The following CAST variants were observed in gnomAD, a reference collection of about 807,000 sequenced individuals.
CAST encodes the protein MIR583 host.
In CAST, 76 loss-of-function variants were observed where a neutral mutation model predicts 119.6. The ratio of observed to expected loss-of-function variants is 0.64; its 90% CI spans 0.53 to 0.77. CAST has a LOEUF of 0.77. CAST is among the 30% of genes least tolerant of loss of function. The pLI is 0.00. For missense variants in CAST, 953 were observed against 946.5 expected, an observed-to-expected ratio of 1.01 and a Z score of -0.09; for synonymous variants, 319 against 331.6, an observed-to-expected ratio of 0.96 and a Z score of 0.41.
chr5:96,274,703 C>T, the CAST span, among the ~76,000 whole-genome samples: 3 of 152,188 alleles, frequency 2.0e-5, no homozygotes, highest in Admixed American at 6.5e-5. Context: ...TTCTCTTTGT[C>T]GCTAGCCTAT....
At chr5:96,106,689 T>C in the CAST span, among the ~76,000 whole-genome samples, 5 of 151,676 alleles carry the variant, frequency 3.3e-5, no homozygotes, top group African/African-American at 1.2e-4. Context: ...CTGAAAAAAA[T>C]GTATATTCTA....
chr5:96,583,729 G>A (rs1580834719), intron 1 of CAST, among the ~76,000 whole-genome samples: 1 of 152,096 alleles, frequency 6.6e-6, no homozygotes, highest in Non-Finnish European at 1.5e-5. Context: ...TAGAGGGGGA[G>A]ACTAAAAGAA....
the CAST span, among the ~76,000 whole-genome samples, chr5:96,413,857 C>T: frequency 8.4e-5 from 12 of 142,174 alleles, no homozygotes; most frequent in South Asian, 6.9e-4. Context: ...CGGTGGCTCA[C>T]GCCTGTAATC....
the CAST span, chr5:96,429,388 A>G: frequency 3.2e-5 from 27 of 839,592 alleles, 1 homozygote; most frequent in Non-Finnish European, 5.2e-5. Flanking sequence ...TTTAAAACTC[A>G]GCTAACTTAG....
chr5:96,767,874 C>T, intron 28 of CAST, 33 bp from the exon 29 acceptor site: 1 of 1,441,780 alleles, frequency 6.9e-7, no homozygotes, highest in Non-Finnish European at 9.8e-7. Context: ...CCTTCTGCTT[C>T]TTCACTGATG....
intron 20 of CAST, among the ~76,000 whole-genome samples, chr5:96,753,684 CT>C (rs1273106762): frequency 6.6e-6 from 1 of 152,136 alleles, no homozygotes; most frequent in Non-Finnish European, 1.5e-5. Context: ...TGTGGGCTCT[CT>C]GAAAATCTTT....
intron 1 of CAST, among the ~76,000 whole-genome samples, chr5:96,581,381 G>T (rs1366759841): frequency 2.6e-5 from 4 of 152,102 alleles, no homozygotes. Flanking sequence ...GCAAAAGTTT[G>T]ATAAAATCCA....
intron 2 of CAST, among the ~76,000 whole-genome samples, chr5:96,685,475 A>C (rs1301046898): frequency 6.6e-6 from 1 of 152,246 alleles, no homozygotes; most frequent in Non-Finnish European, 1.5e-5. Flanking sequence ...TCGTAATGTC[A>C]ATATTATTTT....
intron 20 of CAST, among the ~76,000 whole-genome samples, chr5:96,751,627 A>G (rs1765069617): frequency 6.6e-6 from 1 of 152,166 alleles, no homozygotes; most frequent in Non-Finnish European, 1.5e-5. Context: ...AGTGGTAAAG[A>G]ACCGGAGAGG....
chr5:96,300,281 G>C, the CAST span, among the ~76,000 whole-genome samples: 2 of 151,976 alleles, frequency 1.3e-5, no homozygotes, highest in African/African-American at 4.8e-5. Flanking sequence ...TTTTGTATAT[G>C]GTGAGATCAG....
the CAST span, among the ~76,000 whole-genome samples, chr5:96,028,693 T>C: frequency 0.01 from 1,596 of 152,164 alleles, 34 homozygotes; most frequent in African/African-American, 0.037. Context: ...TGTAAGTAGA[T>C]TGTAGCAGAA....
At chr5:96,416,202 A>G in the CAST span, 1 of 943,322 alleles carries the variant, frequency 1.1e-6, no homozygotes, top group Non-Finnish European at 1.7e-6. Flanking sequence ...AATGGGGCAT[A>G]GGTATATTAA....
At chr5:96,554,175 C>A (rs1215139956) in intron 1 of CAST, among the ~76,000 whole-genome samples, 2 of 152,172 alleles carry the variant, frequency 1.3e-5, no homozygotes, top group African/African-American at 2.4e-5. Flanking sequence ...CTCCAGTAAC[C>A]AAAACAGCAT....
At chr5:96,168,452 C>A in the CAST span, among the ~76,000 whole-genome samples, 13 of 152,126 alleles carry the variant, frequency 8.5e-5, no homozygotes, top group African/African-American at 3.1e-4. Context: ...TATTTAGAGT[C>A]AGTATAAATA....
intron 3 of CAST, among the ~76,000 whole-genome samples, chr5:96,704,806 A>G (rs1250179188): frequency 6.6e-6 from 1 of 152,238 alleles, no homozygotes; most frequent in Non-Finnish European, 1.5e-5. Flanking sequence ...GGAGGTCTTC[A>G]TGAACATTGC....
At chr5:96,232,352 G>A in the CAST span, among the ~76,000 whole-genome samples, 8 of 152,036 alleles carry the variant, frequency 5.3e-5, no homozygotes, top group African/African-American at 1.9e-4. Context: ...GTGTGATACT[G>A]GAAGTCCTAG....
At chr5:96,486,765 G>A in the CAST span, among the ~76,000 whole-genome samples, 1 of 152,054 alleles carries the variant, frequency 6.6e-6, no homozygotes, top group African/African-American at 2.4e-5. Flanking sequence ...GATAACACAG[G>A]CCCTTAGAGC....
At chr5:96,563,132 A>T (rs1327986123) in intron 1 of CAST, among the ~76,000 whole-genome samples, 1 of 152,142 alleles carries the variant, frequency 6.6e-6, no homozygotes, top group African/African-American at 2.4e-5. Flanking sequence ...ACCCCAGTTT[A>T]TTGCCATTAG....
the CAST span, among the ~76,000 whole-genome samples, chr5:96,306,454 T>G: frequency 3.9e-5 from 6 of 152,142 alleles, no homozygotes; most frequent in Non-Finnish European, 7.3e-5. Flanking sequence ...CTCCTTCAGT[T>G]TTGCTCTGAT....
Sources: gnomAD v4.1 joint callset for allele counts (sites outside exome capture counted in the v4.1 genomes callset) on GRCh38, gnomAD v4.1.1 for gene constraint, MANE v1.5 for transcripts, NCBI Gene and HGNC (gene_info 2026-07-23, HGNC 2026-07-21) for gene names.